The following NR4A1 variants were observed in gnomAD, a reference collection of about 807,000 sequenced individuals.
NR4A1 encodes nuclear receptor subfamily 4immunitygroup A member 1.
NR4A1 carries 24 observed loss-of-function variants against 47.5 expected under a neutral mutation model. The observed-to-expected ratio is 0.50, with a 90% CI of 0.37 to 0.71. The LOEUF is 0.71. NR4A1 is among the 30% of genes least tolerant of loss of function. NR4A1 has a pLI of 0.00. For missense variants in NR4A1, 669 were observed against 788.6 expected (o/e 0.85, Z 1.82); for synonymous variants, 353 against 345.7 (o/e 1.02, Z -0.24).
At chr12:52,052,273 G>A in intron 1 of NR4A1, among the ~76,000 whole-genome samples, 1 of 48,686 alleles carries the variant, frequency 2.1e-5, no homozygotes, top group African/African-American at 6.1e-5. Context: ...GATCACGTGT[G>A]TGTGTGTGTG....
At chr12:52,052,293 G>C (rs905344793) in intron 1 of NR4A1, among the ~76,000 whole-genome samples, 1 of 143,582 alleles carries the variant, frequency 7.0e-6, no homozygotes, top group East Asian at 2.0e-4. Flanking sequence ...GTGTGTGTGT[G>C]TGTGTGTGTG....
intron 5 of NR4A1, 27 bp from the exon 6 acceptor site, chr12:52,057,325 C>A: frequency 1.2e-6 from 2 of 1,614,046 alleles, no homozygotes; most frequent in South Asian, 1.1e-5. Flanking sequence ...CCACCCTGAT[C>A]GCTCTTCGTG....
chr12:52,030,552 C>T (rs1417670799), intron 1 of NR4A1, among the ~76,000 whole-genome samples: 1 of 152,216 alleles, frequency 6.6e-6, no homozygotes, highest in East Asian at 1.9e-4. Context: ...CCTCAGCCTC[C>T]TGAGTAGCTG....
At chr12:52,037,819 A>T in intron 1 of NR4A1, 1 of 985,342 alleles carries the variant, frequency 1.0e-6, no homozygotes, top group Middle Eastern at 5.2e-4. Context: ...CCTTCGAGGG[A>T]CTGAGTCAAG....
rs1939318263 is a variant in NR4A1, at chr12:52,057,179, T to C, written c.1281T>C (p.Phe427=). 6.2e-7 allele frequency: 1 copy of C among 1,613,986 alleles called. No homozygotes were observed. The highest frequency in any genetic ancestry group is 1.7e-5 in the Admixed American group (1 of 60,006). The change falls in exon 5 of 7, where the codon TTT becomes TTC. Residue 427 remains phenylalanine, a synonymous_variant. Transcript: ENST00000394825. ...AGTGGGCGGAGAAGATCCCTGGCTT[T>C]GCTGAGCTGTCACCGGCTGACCAGG... ...IRKWAEKIPG[F]AELSPADQDL... is the part of the protein sequence containing the mutation.
Position 52,058,841 on chromosome 12 carries a change from T to C in NR4A1, c.1694T>C (p.Leu565Pro), listed in dbSNP as rs1307533006. ...GGCAAACTGCCCGAGCTGCGGACCC[T>C]GTGCACCCAGGGCCTGCAGCGCATC... ...LLGKLPELRTLCTQGLQRIFY... is the reference protein window; with the variant it reads ...LLGKLPELRTPCTQGLQRIFY... Residue 565 changes from leucine to proline, a missense_variant, in exon 7 of 7, where the codon CTG becomes CCG. Leu to Pro is a moderately conservative substitution (Grantham distance 98, BLOSUM62 -3). Coordinates refer to ENST00000394825, the MANE Select transcript of NR4A1 (RefSeq NM_173157.3). 6.2e-7 allele frequency: 1 copy of C among 1,613,944 alleles called. No individual in the cohort carries two copies. Among genetic ancestry groups the C allele is most frequent in the Non-Finnish European group, 8.5e-7 (1 of 1,179,982 alleles).
chr12:52,030,147 G>A (rs1042265990), intron 1 of NR4A1, among the ~76,000 whole-genome samples: 2 of 152,208 alleles, frequency 1.3e-5, no homozygotes, highest in Non-Finnish European at 2.9e-5. Flanking sequence ...TGCTGCAGGG[G>A]CATTTTCTCC....
chr12:52,046,871 T>A (rs373233978), upstream of NR4A1, among the ~76,000 whole-genome samples: 3 of 152,232 alleles, frequency 2.0e-5, no homozygotes, highest in African/African-American at 7.2e-5. Flanking sequence ...TAGTCCCAGC[T>A]ACTCAGGAGG....
intron 1 of NR4A1, among the ~76,000 whole-genome samples, chr12:52,033,502 G>A (rs1938174381): frequency 1.3e-5 from 2 of 152,236 alleles, no homozygotes; most frequent in South Asian, 2.1e-4. Flanking sequence ...GGGAAATCTC[G>A]CATTAATTCC....
intron 1 of NR4A1, among the ~76,000 whole-genome samples, chr12:52,035,363 C>A (rs981757489): frequency 6.6e-6 from 1 of 152,152 alleles, no homozygotes; most frequent in Non-Finnish European, 1.5e-5. Flanking sequence ...GGGCTGGAAG[C>A]CTTCATGGAA....
At chr12:52,041,938 T>C in intron 2 of NR4A1, 3 of 1,409,730 alleles carry the variant, frequency 2.1e-6, no homozygotes, top group Non-Finnish European at 2.8e-6. Context: ...TGGTAAGTGC[T>C]CTGCTATTGT....
At chr12:52,054,248 GC>G in intron 1 of NR4A1, 78 bp from the exon 2 acceptor site, 1 of 1,266,758 alleles carries the variant, frequency 7.9e-7, no homozygotes, top group Non-Finnish European at 1.1e-6. Flanking sequence ...CTGCTCTGGG[GC>G]CCAAATACTT....
At chr12:52,032,717 C>T (rs1243393653) in intron 1 of NR4A1, among the ~76,000 whole-genome samples, 4 of 152,134 alleles carry the variant, frequency 2.6e-5, no homozygotes, top group Admixed American at 6.5e-5. Context: ...CTTATTTCTT[C>T]CTTCCCCTGC....
chr12:52,025,941 T>G (rs1208921378), intron 1 of NR4A1, among the ~76,000 whole-genome samples: 5 of 152,238 alleles, frequency 3.3e-5, no homozygotes, highest in Admixed American at 6.5e-5. Context: ...CTCCCACAGC[T>G]GGGACCGGAA....
chr12:52,057,784 A>G (rs149240847), intron 6 of NR4A1, among the ~76,000 whole-genome samples: 27 of 152,354 alleles, frequency 1.8e-4, no homozygotes, highest in African/African-American at 6.0e-4. Flanking sequence ...GGTGTCATGT[A>G]TGTGGCCTAG....
At chr12:52,049,589 AGGC>A (rs1938817937), upstream of NR4A1, among the ~76,000 whole-genome samples, 1 of 152,238 alleles carries the variant, frequency 6.6e-6, no homozygotes, top group Admixed American at 6.5e-5. Context: ...TGGGAGGTCC[AGGC>A]TGCAGTAAGC....
At chr12:52,048,411 A>C (rs139049522), upstream of NR4A1, among the ~76,000 whole-genome samples, 4,167 of 150,764 alleles carry the variant, frequency 0.028, 116 homozygotes, top group African/African-American at 0.069. Flanking sequence ...TGGCTAACAC[A>C]GTGAAACCCC....
chr12:52,058,835 G>T lies in NR4A1; in HGVS notation c.1688G>T (p.Arg563Leu). The change falls in exon 7 of 7, where the codon CGG becomes CTG. Residue 563 changes from arginine (R) to leucine (L), a missense_variant. Transcript: ENST00000394825. ...SRLLGKLPELRTLCTQGLQRI... is the reference protein window; with the variant it reads ...SRLLGKLPELLTLCTQGLQRI... Reference sequence around the variant, plus strand: ...CTGTTGGGCAAACTGCCCGAGCTGCGGACCCTGTGCACCCAGGGCCTGCAG... The same window carrying T: ...CTGTTGGGCAAACTGCCCGAGCTGCTGACCCTGTGCACCCAGGGCCTGCAG... 1 of 1,613,944 alleles carries T rather than the reference G, an allele frequency of 6.2e-7. No individual in the cohort carries two copies. Among genetic ancestry groups the T allele is most frequent in the Non-Finnish European group, 8.5e-7 (1 of 1,179,976 alleles).
Position 52,055,120 on chromosome 12 carries a change from A to T in NR4A1, c.792A>T (p.Glu264Asp). The stretch of plus-strand genomic sequence containing the variant: ...GGAGCGGGGCCCCAGGTGGAAGTGA[A>T]GGCCGCTGTGCTGTGTGTGGGGACA... ...KARSGAPGGS[E>D]GRCAVCGDNA... is the part of the protein sequence containing the mutation. The change falls in exon 2 of 7, where the codon GAA (glutamate) becomes GAT (aspartate). Residue 264 changes from glutamate (E) to aspartate (D), a missense_variant. Transcript: ENST00000394825. The T allele has an allele frequency of 6.2e-7, 1 of 1,614,180 alleles. No homozygotes were observed. The highest frequency in any genetic ancestry group is 8.5e-7 in the Non-Finnish European group (1 of 1,180,038).
Sources: gnomAD v4.1 joint callset for allele counts (sites outside exome capture counted in the v4.1 genomes callset) on GRCh38, gnomAD v4.1.1 for gene constraint, MANE v1.5 for transcripts, NCBI Gene and HGNC (gene_info 2026-07-23, HGNC 2026-07-21) for gene names.